Variants in PPBP observed in about 807,000 individuals in gnomAD.
The protein encoded by PPBP is platelet basic protein.
In PPBP, 8 loss-of-function variants were observed where a neutral mutation model predicts 8.3. That is an observed-to-expected ratio of 0.97 (90% CI 0.57 to 1.75). The LOEUF (loss-of-function observed/expected upper bound fraction) is 1.75, where lower values mean the gene tolerates loss of function less well. Among genes scored for constraint, PPBP ranks in the 40% most tolerant of loss-of-function variants. The pLI is 0.00. For missense variants in PPBP, 169 were observed against 149.2 expected (o/e 1.13, Z -0.69); for synonymous variants, 64 against 58.9 (o/e 1.09, Z -0.40).
Position 73,988,154 on chromosome 4 carries a change from T to G in PPBP, c.-51A>C. On this transcript the variant is annotated 5_prime_UTR_variant, in exon 1 of 3. Transcript: ENST00000296028. ...TTTCCAGAACCAGAAGACCTCTGAG[T>G]GAGGGTGAGTTGCTGCCTACAAGTC... 1 of 1,595,184 alleles carries G rather than the reference T, an allele frequency of 6.3e-7. No individual in the cohort carries two copies. The highest frequency in any genetic ancestry group is 8.6e-7 in the Non-Finnish European group (1 of 1,163,252).
intron 1 of PPBP, 135 bp downstream of exon 1, chr4:73,987,820 AC>A (rs1222316828): frequency 6.9e-7 from 1 of 1,455,000 alleles, no homozygotes. Flanking sequence ...GTGAGAAGTG[AC>A]CCCCCTGTGT....
In PPBP at chr4:73,987,536, A is replaced by G; in HGVS notation, c.265T>C (p.Cys89Arg). 1.2e-6 allele frequency: 2 copies of G among 1,613,988 alleles called. No individual in the cohort carries two copies. The highest frequency in any genetic ancestry group is 1.7e-6 in the Non-Finnish European group (2 of 1,179,880). Residue 89 changes from cysteine to arginine, a missense_variant, in exon 2 of 3, where the codon TGC becomes CGC. Coordinates refer to ENST00000296028, the MANE Select transcript of PPBP (RefSeq NM_002704.3). ...ACTTACATCACTTCGACTTGGTTGC[A>G]ATGGGTTCCTTTCCCGATCACTTCC... ...SLEVIGKGTH[C>R]NQVEVIATLK...
rs1237496409 is a variant in PPBP, at chr4:73,986,682, A to G, written c.*590T>C. Among the ~76,000 whole-genome samples the G allele has an allele frequency of 1.3e-5, 2 of 152,182 alleles. No individual in the cohort carries two copies. Among genetic ancestry groups the G allele is most frequent in the African/African-American group, 4.8e-5 (2 of 41,464 alleles). ...TATTTTTGTTCTACTAGTGGCAAATATATTCACTTTAAACCAGCTAACCAC... is the reference window on the plus strand; with the variant it reads ...TATTTTTGTTCTACTAGTGGCAAATGTATTCACTTTAAACCAGCTAACCAC... On this transcript the variant is annotated 3_prime_UTR_variant, in exon 3 of 3. Coordinates refer to ENST00000296028, the MANE Select transcript of PPBP (RefSeq NM_002704.3).
rs201716206 is a variant in PPBP, at chr4:73,987,632, A to C, written c.169T>G (p.Leu57Val). ...CACATGCAGCGGAGTTCAGCATACA[A>C]GTCACTGTCTAGACTTTCCTCTAGG... ...KGKEESLDSDLYAELRCMCIK... is the reference protein window; with the variant it reads ...KGKEESLDSDVYAELRCMCIK... The change falls in exon 2 of 3, where the codon TTG becomes GTG. Residue 57 changes from leucine to valine, a missense_variant. Leu to Val is a conservative substitution (Grantham distance 32, BLOSUM62 1). Transcript: ENST00000296028. The C allele has an allele frequency of 6.2e-7, 1 of 1,613,394 alleles. No individual in the cohort carries two copies. Among genetic ancestry groups the C allele is most frequent in the Non-Finnish European group, 8.5e-7 (1 of 1,179,464 alleles).
intron 2 of PPBP, 61 bp downstream of exon 2, chr4:73,987,456 A>C (rs1718995282): frequency 6.2e-7 from 1 of 1,608,692 alleles, no homozygotes; most frequent in Non-Finnish European, 8.5e-7. Context: ...AAACGAGTGC[A>C]TATGTGGATG....
In PPBP at chr4:73,987,244, T is replaced by A; in HGVS notation, c.*28A>T. On this transcript the variant is annotated 3_prime_UTR_variant, in exon 3 of 3. Transcript: ENST00000296028. ...TCAAAATTCTACCCTTCCTGGGAGTTAAAGAAGTTTGGCAGAAACAGAACA... is the reference window on the plus strand; with the variant it reads ...TCAAAATTCTACCCTTCCTGGGAGTAAAAGAAGTTTGGCAGAAACAGAACA... The A allele has an allele frequency of 6.4e-7, 1 of 1,555,794 alleles. No homozygotes were observed. The highest frequency in any genetic ancestry group is 8.9e-7 in the Non-Finnish European group (1 of 1,128,080).
At chr4:73,987,449 C>A in intron 2 of PPBP, 68 bp downstream of exon 2, 1 of 1,607,688 alleles carries the variant, frequency 6.2e-7, no homozygotes, top group Non-Finnish European at 8.5e-7. Context: ...CTGGAGGAAA[C>A]GAGTGCATAT....
chr4:73,987,165 A>T lies in PPBP; in HGVS notation c.*107T>A. 2 of 976,306 alleles carry T rather than the reference A, an allele frequency of 2.0e-6. No individual in the cohort carries two copies. Among genetic ancestry groups the T allele is most frequent in the Non-Finnish European group, 3.1e-6 (2 of 642,720 alleles). 60.5% of individuals were successfully genotyped at this position (976,306 alleles called of 1,614,324 possible). A position where few individuals can be genotyped will look rare whatever the true frequency, so the allele number is the denominator to read the frequency against. ...AGAATGAAACACATATCCAAATTTT[A>T]ATACAGTAAGAATAGGTATCCTGAA... On this transcript the variant is annotated 3_prime_UTR_variant, in exon 3 of 3. Transcript: ENST00000296028.
rs577092070 is a variant in PPBP at position 73,987,392 on chromosome 4, G to A, written c.285-18C>T. On this transcript the variant is annotated intron_variant, in intron 2 of 2. Coordinates refer to ENST00000296028, the MANE Select transcript of PPBP (RefSeq NM_002704.3). ...GTGTGGCTCTGCAAAAGAGAACAGG[G>A]TTATCTGTGGGTGTCCTGATCTGAA... 55 of 1,609,870 alleles carry A rather than the reference G, an allele frequency of 3.4e-5. No homozygotes were observed. In the South Asian group the frequency reaches 5.6e-4, roughly 16 times the overall value.
In PPBP at chr4:73,986,697, C is replaced by A. The variant is rs1273752389; in HGVS notation, c.*575G>T. Among the ~76,000 whole-genome samples the A allele has an allele frequency of 6.6e-6, 1 of 151,922 alleles. No individual in the cohort carries two copies. The highest frequency in any genetic ancestry group is 2.4e-5 in the African/African-American group (1 of 41,388). ...AGTGGCAAATATATTCACTTTAAACCAGCTAACCACAGTTTATAAGATTCA... is the reference window on the plus strand; with the variant it reads ...AGTGGCAAATATATTCACTTTAAACAAGCTAACCACAGTTTATAAGATTCA... On this transcript the variant is annotated 3_prime_UTR_variant, in exon 3 of 3. Coordinates refer to ENST00000296028, the MANE Select transcript of PPBP (RefSeq NM_002704.3).
rs1482804604 is a variant in PPBP at position 73,986,466 on chromosome 4, A to G, written c.*806T>C. 6.6e-6 allele frequency among the ~76,000 whole-genome samples: 1 copy of G among 152,180 alleles called. No individual in the cohort carries two copies. The highest frequency in any genetic ancestry group is 1.5e-5 in the Non-Finnish European group (1 of 68,012). On this transcript the variant is annotated 3_prime_UTR_variant, in exon 3 of 3. Coordinates refer to ENST00000296028, the MANE Select transcript of PPBP (RefSeq NM_002704.3). ...AATAGCAAATTTTTATTTCATGTGA[A>G]TATTTTTGTAAGAATAGTGTGGGTA...
chr4:73,987,038 T>C lies in PPBP; in HGVS notation c.*234A>G. ...AAAAAATGCAAAGTACAGTCCAATG[T>C]TTAGGCAAGAATTAGAGGGTTGAAA... On this transcript the variant is annotated 3_prime_UTR_variant, in exon 3 of 3. Coordinates refer to ENST00000296028, the MANE Select transcript of PPBP (RefSeq NM_002704.3). 1 of 530,196 alleles carries C rather than the reference T, an allele frequency of 1.9e-6. No individual in the cohort carries two copies. The highest frequency in any genetic ancestry group is 3.3e-6 in the Non-Finnish European group (1 of 301,032). The allele number at this position is 530,196 out of a possible 1,614,324, so 32.8% of individuals were successfully genotyped here.
In PPBP at chr4:73,987,969, C is replaced by A; in HGVS notation, c.135G>T (p.Leu45Phe). The change falls in exon 1 of 3, where the codon TTG becomes TTT. Residue 45 changes from leucine to phenylalanine, a missense_variant. Physicochemically the swap from Leu to Phe is conservative, Grantham distance 22. Transcript: ENST00000296028. ...SSTKGQTKRNLAKGKEESLDS... is the reference protein window; with the variant it reads ...SSTKGQTKRNFAKGKEESLDS... The stretch of plus-strand genomic sequence containing the variant: ...CAGGGCCTCTACCTTTGCCTTTCGC[C>A]AAGTTTCTCTTAGTTTGTCCTTTGG... 1.9e-6 allele frequency: 3 copies of A among 1,614,078 alleles called. No homozygotes were observed. Among genetic ancestry groups the A allele is most frequent in the Non-Finnish European group, 2.5e-6 (3 of 1,179,972 alleles).
At position 73,987,961 on chromosome 4, in the gene PPBP, C is replaced by T. The variant is rs373114326; in HGVS notation, c.143G>A (p.Gly48Asp). ...KGQTKRNLAK[G>D]KEESLDSDLY... The stretch of plus-strand genomic sequence containing the variant: ...CAGAGAAGCAGGGCCTCTACCTTTG[C>T]CTTTCGCCAAGTTTCTCTTAGTTTG... Residue 48 changes from glycine (G) to aspartate (D), a missense_variant, in exon 1 of 3, where the codon GGC becomes GAC. Transcript: ENST00000296028. 16 of 1,613,984 alleles carry T rather than the reference C, an allele frequency of 9.9e-6. No individual in the cohort carries two copies. Among genetic ancestry groups the T allele is most frequent in the African/African-American group, 2.7e-5 (2 of 74,926 alleles).
Position 73,987,957 on chromosome 4 carries a change from T to A in PPBP, c.147A>T (p.Lys49Asn), listed in dbSNP as rs1719009009. The A allele has an allele frequency of 6.2e-7, 1 of 1,613,974 alleles. No homozygotes were observed. Among genetic ancestry groups the A allele is most frequent in the African/African-American group, 1.3e-5 (1 of 74,906 alleles). The change falls in exon 1 of 3, where the codon AAA becomes AAT. Residue 49 changes from lysine to asparagine, a missense_variant and splice_region_variant. Transcript: ENST00000296028. ...AGTGCAGAGAAGCAGGGCCTCTACCTTTGCCTTTCGCCAAGTTTCTCTTAG... is the reference window on the plus strand; with the variant it reads ...AGTGCAGAGAAGCAGGGCCTCTACCATTGCCTTTCGCCAAGTTTCTCTTAG... The part of the protein sequence containing the change: ...GQTKRNLAKG[K>N]EESLDSDLYA...
intron 1 of PPBP, 86 bp downstream of exon 1, chr4:73,987,870 C>G (rs1719006523): frequency 6.3e-7 from 1 of 1,581,678 alleles, no homozygotes; most frequent in East Asian, 2.2e-5. Flanking sequence ...ATGGCCCTCT[C>G]CAGCCCCAAA....
In PPBP at chr4:73,987,174, A is replaced by G. The variant is rs116538408; in HGVS notation, c.*98T>C. The G allele has an allele frequency of 5.2e-3, 5,395 of 1,042,400 alleles. 15 individuals are homozygous for G. Among genetic ancestry groups the G allele is most frequent in the Non-Finnish European group, 6.9e-3 (4,768 of 692,574 alleles). The allele number at this position is 1,042,400 out of a possible 1,614,324, so 64.6% of individuals were successfully genotyped here. On this transcript the variant is annotated 3_prime_UTR_variant, in exon 3 of 3. Coordinates refer to ENST00000296028, the MANE Select transcript of PPBP (RefSeq NM_002704.3). ...CACATATCCAAATTTTAATACAGTA[A>G]GAATAGGTATCCTGAATAAATGAGA...
chr4:73,987,467 G>C, intron 2 of PPBP, 50 bp downstream of exon 2: 2 of 1,609,838 alleles, frequency 1.2e-6, no homozygotes, highest in Non-Finnish European at 1.7e-6. Flanking sequence ...TATGTGGATG[G>C]AGGTAGAGGG....
In PPBP at chr4:73,987,620, G is replaced by A. The variant is rs1248553652; in HGVS notation, c.181C>T (p.Leu61Phe). Residue 61 changes from leucine to phenylalanine, a missense_variant, in exon 2 of 3, where the codon CTC becomes TTC. Leu to Phe is a conservative substitution (Grantham distance 22). Transcript: ENST00000296028. The part of the protein sequence containing the change: ...ESLDSDLYAE[L>F]RCMCIKTTSG... The stretch of plus-strand genomic sequence containing the variant: ...GTTGTCTTTATACACATGCAGCGGA[G>A]TTCAGCATACAAGTCACTGTCTAGA... 2 of 1,613,796 alleles carry A rather than the reference G, an allele frequency of 1.2e-6. No homozygotes were observed. Among genetic ancestry groups the A allele is most frequent in the South Asian group, 2.2e-5 (2 of 91,074 alleles).
Sources: allele counts gnomAD v4.1 joint callset (sites outside exome capture counted in the v4.1 genomes callset), GRCh38; gene constraint gnomAD v4.1.1; transcripts MANE v1.5; gene names NCBI Gene and HGNC (gene_info 2026-07-23, HGNC 2026-07-21).